The following STAT4 variants were observed in gnomAD, a reference collection of about 807,000 sequenced individuals.
The protein encoded by STAT4 is signal transducer and activator of transcription 4.
STAT4 carries 42 observed loss-of-function variants against 110.5 expected under a neutral mutation model. The ratio of observed to expected loss-of-function variants is 0.38; its 90% CI spans 0.30 to 0.49. The LOEUF (loss-of-function observed/expected upper bound fraction) is 0.49. Ranked by LOEUF, STAT4 falls within the 20% of genes least tolerant of loss-of-function variation. The pLI, the probability that STAT4 is intolerant of heterozygous loss-of-function variation, is 0.95. For missense variants in STAT4, 632 were observed against 887.9 expected, an observed-to-expected ratio of 0.71 and a Z score of 3.66; for synonymous variants, 284 against 302.2, an observed-to-expected ratio of 0.94 and a Z score of 0.63.
intron 3 of STAT4, among the ~76,000 whole-genome samples, chr2:191,128,999 A>G (rs984369942): frequency 6.6e-6 from 1 of 152,214 alleles, no homozygotes; most frequent in South Asian, 2.1e-4. Flanking sequence ...CTGAGAAGCA[A>G]TTAAATGTGA....
rs141656549 is a variant in STAT4, at chr2:191,112,671, C to T, written c.273+33942G>A. Among the ~76,000 whole-genome samples the T allele has an allele frequency of 1.1e-4, 17 of 152,246 alleles. No homozygotes were observed. The highest frequency in any genetic ancestry group is 2.4e-4 in the Non-Finnish European group (16 of 68,010). On this transcript the variant is annotated intron_variant, in intron 3 of 23. Transcript: ENST00000392320. The surrounding 1 kb of genome is among the most constrained non-coding windows in gnomAD (Gnocchi z 4.3). ...CCAAGTACGACCTCATTTTTGACAA[C>T]TTTGTGAGGTGTTATTATTACTCCA...
rs1234080197 is a variant in STAT4, at chr2:191,135,498, G to C, written c.273+11115C>G. On this transcript the variant is annotated intron_variant, in intron 3 of 23. Coordinates refer to ENST00000392320, the MANE Select transcript of STAT4 (RefSeq NM_003151.4). This position sits in a 1 kb window ranked among gnomAD's most constrained non-coding sequence, Gnocchi z 4.8. Reference sequence around the variant, plus strand: ...TGTTTTTGTTTGTTTGTTTGAGATGGAGTCTCACTCTGTCGCCCAGGCTGG... The same window carrying C: ...TGTTTTTGTTTGTTTGTTTGAGATGCAGTCTCACTCTGTCGCCCAGGCTGG... Among the ~76,000 whole-genome samples, 1 of 152,138 alleles carries C rather than the reference G, an allele frequency of 6.6e-6. No homozygotes were observed. Among genetic ancestry groups the C allele is most frequent in the Admixed American group, 6.5e-5 (1 of 15,274 alleles).
In STAT4 at chr2:191,086,183, G is replaced by C. The variant is rs554683402; in HGVS notation, c.274-9858C>G. On this transcript the variant is annotated intron_variant, in intron 3 of 23. Transcript: ENST00000392320. This position sits in a 1 kb window ranked among gnomAD's most constrained non-coding sequence, Gnocchi z 5.5. ...ATGAACAGATGGCTTTGAGGAATTG[G>C]GATTGATGTACAGAGCCCATAAAAG... Among the ~76,000 whole-genome samples the C allele has an allele frequency of 6.6e-6, 1 of 152,088 alleles. No individual in the cohort carries two copies.
intron 17 of STAT4, 64 bp downstream of exon 17, chr2:191,036,100 T>C: frequency 3.2e-6 from 5 of 1,574,956 alleles, no homozygotes; most frequent in East Asian, 2.2e-5. Context: ...AATAGCGTCC[T>C]GGTTATTTAA....
intron 13 of STAT4, among the ~76,000 whole-genome samples, chr2:191,057,697 C>G (rs1226067258): frequency 6.7e-6 from 1 of 149,176 alleles, no homozygotes; most frequent in African/African-American, 2.5e-5. Flanking sequence ...CTGCCGGGTT[C>G]AAGTGATTCT....
chr2:191,095,379 C>T (rs559563068), intron 3 of STAT4, among the ~76,000 whole-genome samples: 1 of 152,272 alleles, frequency 6.6e-6, no homozygotes, highest in Admixed American at 6.5e-5. Context: ...CACTCCTCAG[C>T]AAATGTAAAA....
At chr2:191,076,031 T>C in intron 4 of STAT4, 196 bp downstream of exon 4, 2 of 504,942 alleles carry the variant, frequency 4.0e-6, no homozygotes, top group Non-Finnish European at 7.1e-6. Flanking sequence ...TAATTTTTTT[T>C]TTTTTGGAGA....
chr2:191,121,535 A>G (rs1004525852), intron 3 of STAT4, among the ~76,000 whole-genome samples: 11 of 152,240 alleles, frequency 7.2e-5, no homozygotes, highest in South Asian at 4.1e-4. Context: ...ATGTCCATCA[A>G]TGATAGACTG....
At position 191,086,977 on chromosome 2, in the gene STAT4, G is replaced by A. The variant is rs1697651092; in HGVS notation, c.274-10652C>T. Among the ~76,000 whole-genome samples the A allele has an allele frequency of 1.3e-5, 2 of 152,266 alleles. No individual in the cohort carries two copies. Among genetic ancestry groups the A allele is most frequent in the East Asian group, 3.9e-4 (2 of 5,184 alleles). ...TGCAGTGGCAATCTGAAGTGCCTCA[G>A]AGGCTCTAGAAAACTAGTATAGAGA... is the stretch of plus-strand genomic sequence containing the variant. On this transcript the variant is annotated intron_variant, in intron 3 of 23. Coordinates refer to ENST00000392320, the MANE Select transcript of STAT4 (RefSeq NM_003151.4). This position sits in a 1 kb window ranked among gnomAD's most constrained non-coding sequence, Gnocchi z 5.5.
chr2:191,057,633 T>C (rs1267510900), intron 13 of STAT4, among the ~76,000 whole-genome samples: 3 of 149,534 alleles, frequency 2.0e-5, no homozygotes, highest in Non-Finnish European at 4.5e-5. Flanking sequence ...CAGTCTCGCA[T>C]TGTGGCCTGG....
rs1699377709 is a variant in STAT4 at position 191,143,059 on chromosome 2, A to T, written c.273+3554T>A. On this transcript the variant is annotated intron_variant, in intron 3 of 23. Transcript: ENST00000392320. The surrounding 1 kb of genome is among the most constrained non-coding windows in gnomAD (Gnocchi z 5.6). ...AATGCAAGACATGAATAATAGGTGAAACTGGGATGTGGAGCTGGGAAGGAA... is the reference window on the plus strand; with the variant it reads ...AATGCAAGACATGAATAATAGGTGATACTGGGATGTGGAGCTGGGAAGGAA... Among the ~76,000 whole-genome samples the T allele has an allele frequency of 6.6e-6, 1 of 152,166 alleles. No individual in the cohort carries two copies. The highest frequency in any genetic ancestry group is 2.1e-4 in the South Asian group (1 of 4,828).
intron 14 of STAT4, among the ~76,000 whole-genome samples, chr2:191,052,591 T>G (rs4853540): frequency 0.66 from 100,401 of 152,052 alleles, 37,127 homozygotes; most frequent in East Asian, 0.89. Context: ...ATTTTCATTT[T>G]ACATTCATAA....
chr2:191,033,561 G>A lies in STAT4; in HGVS notation c.1781C>T (p.Thr594Ile). The A allele has an allele frequency of 6.2e-7, 1 of 1,613,872 alleles. No individual in the cohort carries two copies. The highest frequency in any genetic ancestry group is 1.1e-5 in the South Asian group (1 of 91,042). ...GCTTTCACTGAATCTTAATAAAAAG[G>A]TGCCAGGCATTTTATCCTTTAGCAA... ...RLLLKDKMPGTFLLRFSESHL... is the reference protein window; with the variant it reads ...RLLLKDKMPGIFLLRFSESHL... Residue 594 changes from threonine (T) to isoleucine (I), a missense_variant, in exon 20 of 24, where the codon ACC (threonine) becomes ATC (isoleucine). By Grantham distance (89) the Thr-to-Ile change is moderately conservative (BLOSUM62 -1). Transcript: ENST00000392320. This position sits in a 1 kb window ranked among gnomAD's most constrained non-coding sequence, Gnocchi z 6.9.
chr2:191,054,834 C>G (rs1191079196), intron 13 of STAT4, among the ~76,000 whole-genome samples: 3 of 152,162 alleles, frequency 2.0e-5, no homozygotes. Context: ...CTATACAGCA[C>G]TCCTTGGCGC....
Position 191,066,424 on chromosome 2 carries a change from A to C in STAT4, c.630+6T>G. 4 of 1,612,374 alleles carry C rather than the reference A, an allele frequency of 2.5e-6. No homozygotes were observed. The highest frequency in any genetic ancestry group is 3.4e-6 in the Non-Finnish European group (4 of 1,178,802). On this transcript the variant is annotated splice_donor_region_variant and intron_variant, in intron 7 of 23. Coordinates refer to ENST00000392320, the MANE Select transcript of STAT4 (RefSeq NM_003151.4). The surrounding 1 kb of genome is among the most constrained non-coding windows in gnomAD (Gnocchi z 4.3). ...GCAAAAGCCCAAATTAAAATTCTTC[A>C]CTAACCTTTCTCTTGAAATCGAGGC...
intron 3 of STAT4, among the ~76,000 whole-genome samples, chr2:191,132,769 T>C (rs1699071140): frequency 6.6e-6 from 1 of 150,746 alleles, no homozygotes; most frequent in Non-Finnish European, 1.5e-5. Context: ...TTTTTTTTTT[T>C]TTGGAGACGG....
intron 18 of STAT4, among the ~76,000 whole-genome samples, 184 bp from the exon 19 acceptor site, chr2:191,034,189 A>G (rs569563376): frequency 3.5e-4 from 54 of 152,246 alleles, no homozygotes; most frequent in South Asian, 3.1e-3. Flanking sequence ...TTGGGAGGCC[A>G]AGGCGGGCAG....
chr2:191,112,603 A>T lies in STAT4; in HGVS notation c.273+34010T>A, dbSNP rs1245247829. Among the ~76,000 whole-genome samples the T allele has an allele frequency of 6.6e-6, 1 of 152,272 alleles. No individual in the cohort carries two copies. The highest frequency in any genetic ancestry group is 1.5e-5 in the Non-Finnish European group (1 of 68,052). The stretch of plus-strand genomic sequence containing the variant: ...TGAAACCAAAAGAAGCAATGAATCA[A>T]TCTAAGAAAAAAGAAGCTTTTGTTA... On this transcript the variant is annotated intron_variant, in intron 3 of 23. Transcript: ENST00000392320. The surrounding 1 kb of genome is among the most constrained non-coding windows in gnomAD (Gnocchi z 4.3).
At position 191,059,149 on chromosome 2, in the gene STAT4, T is replaced by C. The variant is rs1696782872; in HGVS notation, c.1035-380A>G. On this transcript the variant is annotated intron_variant, in intron 10 of 23. Transcript: ENST00000392320. The surrounding 1 kb of genome is among the most constrained non-coding windows in gnomAD (Gnocchi z 4.7). Reference sequence around the variant, plus strand: ...TATATGGCTTCATTTTATCCTCATATTACAAAAAAGCACTTTGTGAGCTTT... The same window carrying C: ...TATATGGCTTCATTTTATCCTCATACTACAAAAAAGCACTTTGTGAGCTTT... Among the ~76,000 whole-genome samples the C allele has an allele frequency of 6.6e-6, 1 of 152,212 alleles. No individual in the cohort carries two copies. Among genetic ancestry groups the C allele is most frequent in the African/African-American group, 2.4e-5 (1 of 41,448 alleles).
Sources: gnomAD v4.1 joint callset for allele counts (sites outside exome capture counted in the v4.1 genomes callset) on GRCh38, gnomAD v4.1.1 for gene constraint, Gnocchi (gnomAD v3.1) non-coding constraint, MANE v1.5 for transcripts, NCBI Gene and HGNC (gene_info 2026-07-23, HGNC 2026-07-21) for gene names.